Variants in COL11A1 observed in about 807,000 individuals in gnomAD.
The protein encoded by COL11A1 is collagen alpha-1(XI) chain.
COL11A1 carries 74 observed loss-of-function variants against 265.2 expected under a neutral mutation model. That is an observed-to-expected ratio of 0.28 (90% CI 0.23 to 0.34). The LOEUF (loss-of-function observed/expected upper bound fraction) is 0.34. Ranked by LOEUF, COL11A1 falls within the 10% of genes least tolerant of loss-of-function variation. The pLI is 1.00. For missense variants in COL11A1, 2,165 were observed against 2,263.6 expected (o/e 0.96, Z 0.88); for synonymous variants, 816 against 727.6 (o/e 1.12, Z -1.96).
chr1:102,942,121 T>C (rs1391474673), intron 42 of COL11A1, among the ~76,000 whole-genome samples: 3 of 152,202 alleles, frequency 2.0e-5, no homozygotes, highest in Non-Finnish European at 2.9e-5. Context: ...CAAATAAATA[T>C]GATATTTCAA....
intron 25 of COL11A1, 99 bp from the exon 26 acceptor site, chr1:102,997,223 A>C: frequency 8.8e-7 from 1 of 1,131,594 alleles, no homozygotes. Flanking sequence ...CTAAGATCTT[A>C]CTCTTTAAGT....
intron 1 of COL11A1, among the ~76,000 whole-genome samples, chr1:103,091,379 C>G (rs7531081): frequency 0.073 from 11,114 of 152,036 alleles, 616 homozygotes; most frequent in African/African-American, 0.16. Flanking sequence ...ATGATGATGT[C>G]ACACAAATAA....
intron 49 of COL11A1, among the ~76,000 whole-genome samples, chr1:102,919,841 T>C (rs1282926336): frequency 6.6e-6 from 1 of 152,058 alleles, no homozygotes; most frequent in South Asian, 2.1e-4. Context: ...ACTCAAAATA[T>C]AACAAAATGA....
chr1:103,007,496 C>G (rs1456196974), intron 15 of COL11A1, among the ~76,000 whole-genome samples: 6 of 151,722 alleles, frequency 4.0e-5, no homozygotes, highest in Non-Finnish European at 5.9e-5. Context: ...AAAAATGAAA[C>G]CCAAATTTGA....
chr1:103,028,022 T>TTTTTG (rs554819260), intron 5 of COL11A1, among the ~76,000 whole-genome samples: 6,336 of 151,854 alleles, frequency 0.042, 229 homozygotes, highest in African/African-American at 0.095. Context: ...GTTTGTTTGT[T>TTTTTG]TTTTGTTTTG....
chr1:103,044,898 C>G (rs61816503), intron 4 of COL11A1, among the ~76,000 whole-genome samples: 50,044 of 151,502 alleles, frequency 0.33, 10,226 homozygotes, highest in African/African-American at 0.58. Context: ...GAAAGGATAG[C>G]GAATATATGT....
At chr1:103,025,294 T>C (rs1667424760) in intron 7 of COL11A1, among the ~76,000 whole-genome samples, 1 of 152,202 alleles carries the variant, frequency 6.6e-6, no homozygotes. Context: ...TTGATCAATT[T>C]AGCATCTGCA....
chr1:103,104,303 CTT>C (rs1392522238), intron 1 of COL11A1, among the ~76,000 whole-genome samples: 1 of 151,974 alleles, frequency 6.6e-6, no homozygotes, highest in Non-Finnish European at 1.5e-5. Flanking sequence ...AAAGGTGACT[CTT>C]TATACAATTT....
At chr1:103,044,165 G>GT (rs367743704) in intron 4 of COL11A1, among the ~76,000 whole-genome samples, 19,464 of 141,200 alleles carry the variant, frequency 0.14, 1,332 homozygotes, top group African/African-American at 0.15. Context: ...ACTCTCACCA[G>GT]TTTTTTTTTT....
At chr1:102,935,478 A>C (rs751832510) in intron 44 of COL11A1, among the ~76,000 whole-genome samples, 24 of 152,192 alleles carry the variant, frequency 1.6e-4, no homozygotes, top group Non-Finnish European at 3.4e-4. Flanking sequence ...AGGGCCCATG[A>C]AAAAATTGTC....
chr1:102,892,430 T>C (rs1651886894), intron 57 of COL11A1, among the ~76,000 whole-genome samples: 1 of 152,136 alleles, frequency 6.6e-6, no homozygotes, highest in African/African-American at 2.4e-5. Flanking sequence ...ATGGATCTGA[T>C]CCAAGCAGTA....
intron 4 of COL11A1, among the ~76,000 whole-genome samples, chr1:103,074,416 G>A (rs527755461): frequency 2.0e-5 from 3 of 152,146 alleles, no homozygotes; most frequent in Non-Finnish European, 4.4e-5. Context: ...TTTCCCAGGC[G>A]TTACGGTCAC....
chr1:102,968,762 G>T (rs1661677229), intron 37 of COL11A1, among the ~76,000 whole-genome samples: 1 of 152,070 alleles, frequency 6.6e-6, no homozygotes, highest in Non-Finnish European at 1.5e-5. Context: ...TCTGTGAAAA[G>T]CTACAAAACA....
intron 35 of COL11A1, among the ~76,000 whole-genome samples, chr1:102,975,278 A>C (rs896763298): frequency 2.6e-5 from 4 of 151,934 alleles, no homozygotes; most frequent in Admixed American, 6.6e-5. Context: ...AAAAAAAAAA[A>C]AAAACTGTTT....
intron 49 of COL11A1, among the ~76,000 whole-genome samples, chr1:102,916,146 G>T (rs1375077597): frequency 2.6e-4 from 39 of 152,082 alleles, no homozygotes; most frequent in Admixed American, 2.6e-3. Context: ...TATAGGATTT[G>T]TTTAGTAGGA....
At chr1:103,005,554 G>A (rs1162320343) in intron 18 of COL11A1, among the ~76,000 whole-genome samples, 1 of 152,092 alleles carries the variant, frequency 6.6e-6, no homozygotes, top group Non-Finnish European at 1.5e-5. Context: ...TGTCCACATT[G>A]CTCTTCTGTT....
chr1:103,014,712 A>C (rs1666419652), intron 12 of COL11A1, 118 bp from the exon 13 acceptor site: 23 of 800,882 alleles, frequency 2.9e-5, no homozygotes, highest in South Asian at 2.8e-4. Context: ...CAAAATTACA[A>C]AGTAACTCCG....
rs77668841 is a variant in COL11A1 at position 102,899,557 on chromosome 1, A to C, written c.4087-563T>G. 8.8e-3 allele frequency among the ~76,000 whole-genome samples: 1,336 copies of C among 152,222 alleles called. 18 individuals carry two copies. Among genetic ancestry groups the C allele is most frequent in the African/African-American group, 0.031 (1,274 of 41,540 alleles). On this transcript the variant is annotated intron_variant, in intron 54 of 66. Transcript: ENST00000370096. ...AATAGGTAAAATGAAAGCAAATATCACTTTTTAAATCCTAATATTAGAAGT... is the reference window on the plus strand; with the variant it reads ...AATAGGTAAAATGAAAGCAAATATCCCTTTTTAAATCCTAATATTAGAAGT...
At chr1:103,052,813 G>T (rs1365205390) in intron 4 of COL11A1, among the ~76,000 whole-genome samples, 1 of 152,110 alleles carries the variant, frequency 6.6e-6, no homozygotes, top group Non-Finnish European at 1.5e-5. Flanking sequence ...CTTTGGGATT[G>T]ATGTTGCTCC....
Sources: gnomAD v4.1 joint callset for allele counts (sites outside exome capture counted in the v4.1 genomes callset) on GRCh38, gnomAD v4.1.1 for gene constraint, MANE v1.5 for transcripts, NCBI Gene and HGNC (gene_info 2026-07-23, HGNC 2026-07-21) for gene names.